IQANK1: variants seen among roughly 807,000 people sequenced by gnomAD.
The protein encoded by IQANK1 is IQ motif and ankyrin repeat domain-containing protein 1.
IQANK1 carries 30 observed loss-of-function variants against 22.6 expected under a neutral mutation model. That is an observed-to-expected ratio of 1.33 (90% confidence interval 0.99 to 1.80). IQANK1 has a LOEUF of 1.80. Ranked by LOEUF, IQANK1 falls within the 40% of genes most tolerant of loss-of-function variation. IQANK1 has a pLI of 0.00. For missense variants in IQANK1, 275 were observed against 235.2 expected, an observed-to-expected ratio of 1.17 and a Z score of -1.11; for synonymous variants, 122 against 99.6, an observed-to-expected ratio of 1.23 and a Z score of -1.34.
chr8:143,787,063 G>A (rs916177253), intron 7 of IQANK1, among the ~76,000 whole-genome samples: 3 of 152,188 alleles, frequency 2.0e-5, no homozygotes, highest in Non-Finnish European at 2.9e-5. Flanking sequence ...GCAGGATGGG[G>A]CACCAGGGAG....
chr8:143,738,537 C>T (rs966533141), intron 2 of IQANK1, among the ~76,000 whole-genome samples: 2 of 152,198 alleles, frequency 1.3e-5, no homozygotes, highest in East Asian at 1.9e-4. Context: ...GGCTGACTAA[C>T]GCGCTGACAC....
chr8:143,756,848 C>T (rs1320979754), intron 3 of IQANK1, among the ~76,000 whole-genome samples: 5 of 150,750 alleles, frequency 3.3e-5, no homozygotes, highest in Non-Finnish European at 7.4e-5. Flanking sequence ...TGTGGTGGTG[C>T]ACACTTTTAG....
intron 3 of IQANK1, among the ~76,000 whole-genome samples, chr8:143,762,628 G>A (rs1819415193): frequency 6.6e-6 from 1 of 152,204 alleles, no homozygotes; most frequent in Non-Finnish European, 1.5e-5. Context: ...CCATGGAGGG[G>A]CAACTTGCTT....
Position 143,790,052 on chromosome 8 carries a change from G to A in IQANK1, c.1277G>A (p.Arg426His), listed in dbSNP as rs183174959. 45 of 1,232,126 alleles carry A rather than the reference G, an allele frequency of 3.7e-5. No homozygotes were observed. The East Asian group carries it at 1.3e-3, about 35-fold the overall frequency. The allele number at this position is 1,232,126 out of a possible 1,614,324, so 76.3% of individuals were successfully genotyped here. Residue 426 changes from arginine (R) to histidine (H), a missense_variant, in exon 12 of 14, where the codon CGT becomes CAT. By Grantham distance (29) the Arg-to-His change is conservative. Coordinates refer to ENST00000527139, the MANE Select transcript of IQANK1 (RefSeq NM_001381874.1). ...VLMKDVGNRI[R>H]ADGRWPLVID... is the part of the protein sequence containing the mutation. ...ATGAAAGATGTAGGCAACCGCATCC[G>A]TGCCGATGGCCGGTCAGTTCTCCGG...
At chr8:143,779,501 TTCA>T (rs1162976481) in intron 7 of IQANK1, among the ~76,000 whole-genome samples, 1 of 152,262 alleles carries the variant, frequency 6.6e-6, no homozygotes, top group African/African-American at 2.4e-5. Context: ...CATGTATCAG[TTCA>T]TCATTTAATC....
Position 143,788,114 on chromosome 8 carries a change from C to G in IQANK1, c.790-801C>G, listed in dbSNP as rs550087727. On this transcript the variant is annotated intron_variant, in intron 7 of 13. Coordinates refer to ENST00000527139, the MANE Select transcript of IQANK1 (RefSeq NM_001381874.1). ...CCGCTGTCATCCAGCTATTAGGGAG[C>G]TGGCCACACTAGACAACAGGCCCTG... is the stretch of plus-strand genomic sequence containing the variant. Among the ~76,000 whole-genome samples, 18 of 152,350 alleles carry G rather than the reference C, an allele frequency of 1.2e-4. No homozygotes were observed. In the South Asian group the frequency reaches 3.7e-3, roughly 32 times the overall value.
intron 3 of IQANK1, among the ~76,000 whole-genome samples, chr8:143,755,110 C>T (rs1350826843): frequency 6.6e-6 from 1 of 152,174 alleles, no homozygotes; most frequent in Non-Finnish European, 1.5e-5. Context: ...CCCCACAGCA[C>T]CATAAATCAG....
chr8:143,779,409 C>G (rs1203018578), intron 7 of IQANK1, among the ~76,000 whole-genome samples: 3 of 152,156 alleles, frequency 2.0e-5, no homozygotes, highest in Non-Finnish European at 2.9e-5. Context: ...ATTCATCCAT[C>G]AATTCATCCA....
At chr8:143,756,595 A>G (rs185385114) in intron 3 of IQANK1, among the ~76,000 whole-genome samples, 3 of 152,082 alleles carry the variant, frequency 2.0e-5, no homozygotes, top group Non-Finnish European at 4.4e-5. Flanking sequence ...GTTCATGATG[A>G]CTATCCCAAA....
At chr8:143,777,537 AAAC>A (rs1363896759) in intron 7 of IQANK1, among the ~76,000 whole-genome samples, 1 of 150,494 alleles carries the variant, frequency 6.6e-6, no homozygotes, top group African/African-American at 2.5e-5. Flanking sequence ...AAAAAAAAAA[AAAC>A]AAACCACTAA....
At chr8:143,788,126 G>C (rs1819929449) in intron 7 of IQANK1, among the ~76,000 whole-genome samples, 1 of 152,204 alleles carries the variant, frequency 6.6e-6, no homozygotes, top group African/African-American at 2.4e-5. Context: ...GGCCACACTA[G>C]ACAACAGGCC....
chr8:143,743,899 G>A, intron 3 of IQANK1: 1 of 423,184 alleles, frequency 2.4e-6, no homozygotes, highest in Non-Finnish European at 4.7e-6. Flanking sequence ...GTGCACTGGG[G>A]CTTGGCTCAC....
chr8:143,790,211 C>A lies in IQANK1; in HGVS notation c.1364C>A (p.Thr455Lys), dbSNP rs185457673. Residue 455 changes from threonine to lysine, a missense_variant, in exon 13 of 14, where the codon ACG becomes AAG. Coordinates refer to ENST00000527139, the MANE Select transcript of IQANK1 (RefSeq NM_001381874.1). ...LRYQDTNYVD[T>K]VNPEPLRPET... ...TACCAGGATACCAACTATGTGGACA[C>A]GGTGAACCCGGAGCCCCTGAGGCCG... is the stretch of plus-strand genomic sequence containing the variant. 1.7e-3 allele frequency: 2,084 copies of A among 1,232,120 alleles called. 3 individuals are homozygous for A. The highest frequency in any genetic ancestry group is 2.0e-3 in the Non-Finnish European group (1,932 of 988,014). The allele number at this position is 1,232,120 out of a possible 1,614,324, so 76.3% of individuals were successfully genotyped here. A position where few individuals can be genotyped will look rare whatever the true frequency, so the allele number is the denominator to read the frequency against.
At chr8:143,747,535 C>T (rs527807256) in intron 3 of IQANK1, among the ~76,000 whole-genome samples, 2 of 152,318 alleles carry the variant, frequency 1.3e-5, no homozygotes, top group South Asian at 2.1e-4. Flanking sequence ...GCTTTTGCTG[C>T]ATCTCCTAAG....
intron 3 of IQANK1, chr8:143,744,176 C>G (rs755990189): frequency 5.9e-6 from 1 of 170,614 alleles, no homozygotes; most frequent in Non-Finnish European, 1.3e-5. Flanking sequence ...TGGATCTCCC[C>G]GGGTAATCTG....
intron 3 of IQANK1, among the ~76,000 whole-genome samples, chr8:143,753,842 G>A (rs1213773210): frequency 6.6e-6 from 1 of 152,084 alleles, no homozygotes; most frequent in Non-Finnish European, 1.5e-5. Flanking sequence ...GTGAACTTCT[G>A]TTGAAAACTG....
intron 2 of IQANK1, among the ~76,000 whole-genome samples, chr8:143,737,105 C>T (rs1327475566): frequency 6.6e-6 from 1 of 152,218 alleles, no homozygotes; most frequent in African/African-American, 2.4e-5. Flanking sequence ...GCCCCAGCTG[C>T]GTCTGAGGCC....
chr8:143,744,009 T>C lies in IQANK1; in HGVS notation c.175+4061T>C, dbSNP rs982285989. 2.8e-5 allele frequency: 9 copies of C among 319,708 alleles called. No homozygotes were observed. The Admixed American group carries it at 3.5e-4, about 12-fold the overall frequency. The allele number at this position is 319,708 out of a possible 1,614,324, so 19.8% of individuals were successfully genotyped here. On this transcript the variant is annotated intron_variant, in intron 3 of 13. Transcript: ENST00000527139. Reference sequence around the variant, plus strand: ...CCACCACACCCAGCTAGTTTTTGTGTTTTTAGTAGAGACAGGGTTTCACCA... The same window carrying C: ...CCACCACACCCAGCTAGTTTTTGTGCTTTTAGTAGAGACAGGGTTTCACCA...
At chr8:143,770,193 G>T (rs1263130989) in intron 3 of IQANK1, among the ~76,000 whole-genome samples, 1 of 152,180 alleles carries the variant, frequency 6.6e-6, no homozygotes, top group Non-Finnish European at 1.5e-5. Context: ...TTGTTTTGAG[G>T]CTTAACTTCA....
Sources: gnomAD v4.1 joint callset for allele counts (sites outside exome capture counted in the v4.1 genomes callset) on GRCh38, gnomAD v4.1.1 for gene constraint, MANE v1.5 for transcripts, NCBI Gene and HGNC (gene_info 2026-07-23, HGNC 2026-07-21) for gene names.